Variants in SHISA6 observed in about 807,000 individuals in gnomAD.
SHISA6 encodes the protein shisa family member 6.
A neutral mutation model predicts 47.9 loss-of-function variants in SHISA6; 22 were observed. The observed-to-expected ratio is 0.46, with a 90% confidence interval of 0.33 to 0.66. The LOEUF is 0.66. Among genes scored for constraint, SHISA6 ranks in the 30% least tolerant of loss-of-function variants. SHISA6 has a pLI of 0.02. For synonymous variants in SHISA6, 388 were observed against 337.8 expected, an observed-to-expected ratio of 1.15 and a Z score of -1.63; for missense variants, 680 against 764.6, an observed-to-expected ratio of 0.89 and a Z score of 1.30.
intron 1 of SHISA6, among the ~76,000 whole-genome samples, chr17:11,252,746 A>G (rs1457107677): frequency 6.6e-6 from 1 of 152,180 alleles, no homozygotes; most frequent in African/African-American, 2.4e-5. Flanking sequence ...ACTGAAGGTG[A>G]GACTCCTCTT....
chr17:11,346,008 C>T (rs556769132), intron 2 of SHISA6, among the ~76,000 whole-genome samples: 28 of 152,176 alleles, frequency 1.8e-4, no homozygotes, highest in African/African-American at 5.8e-4. Flanking sequence ...AAGTTGTGAG[C>T]GAACATAGTT....
chr17:11,349,066 G>A (rs1317064105), intron 2 of SHISA6, among the ~76,000 whole-genome samples: 1 of 152,154 alleles, frequency 6.6e-6, no homozygotes, highest in African/African-American at 2.4e-5. Context: ...GTTGTGTTTG[G>A]TCTGGGATCC....
At chr17:11,477,501 G>A (rs1463410725) in intron 3 of SHISA6, among the ~76,000 whole-genome samples, 3 of 151,694 alleles carry the variant, frequency 2.0e-5, no homozygotes, top group Non-Finnish European at 4.4e-5. Context: ...CATGTGCCAT[G>A]CTGCTGTGCT....
chr17:11,432,810 C>T (rs769669149), intron 3 of SHISA6, among the ~76,000 whole-genome samples: 2 of 151,678 alleles, frequency 1.3e-5, no homozygotes, highest in Non-Finnish European at 2.9e-5. Flanking sequence ...AAAAAACCCA[C>T]GTATTGTATG....
At chr17:11,338,707 C>T (rs1911412361) in intron 2 of SHISA6, among the ~76,000 whole-genome samples, 1 of 152,112 alleles carries the variant, frequency 6.6e-6, no homozygotes, top group Admixed American at 6.5e-5. Flanking sequence ...TGAGCCACTA[C>T]ACCCGGCCAC....
intron 3 of SHISA6, among the ~76,000 whole-genome samples, chr17:11,550,477 T>C (rs1490435140): frequency 2.0e-5 from 3 of 152,134 alleles, no homozygotes; most frequent in African/African-American, 4.8e-5. Flanking sequence ...AGAGTGGAGC[T>C]AAAAGAAATC....
At chr17:11,535,519 G>T (rs1231425575) in intron 3 of SHISA6, among the ~76,000 whole-genome samples, 1 of 152,186 alleles carries the variant, frequency 6.6e-6, no homozygotes, top group Non-Finnish European at 1.5e-5. Flanking sequence ...TTTAGGGTGA[G>T]TGTAAGAACA....
intron 2 of SHISA6, among the ~76,000 whole-genome samples, chr17:11,266,211 A>T (rs1352022531): frequency 6.6e-6 from 1 of 152,226 alleles, no homozygotes; most frequent in Non-Finnish European, 1.5e-5. Context: ...CAAATCAACA[A>T]ACCATCAATT....
chr17:11,461,551 C>G (rs754320723), intron 3 of SHISA6, among the ~76,000 whole-genome samples: 2 of 151,994 alleles, frequency 1.3e-5, no homozygotes, highest in African/African-American at 2.4e-5. Flanking sequence ...TGGGGAAGCA[C>G]CAGGATAGGA....
intron 3 of SHISA6, among the ~76,000 whole-genome samples, chr17:11,513,808 C>T (rs1356190860): frequency 2.0e-5 from 3 of 152,090 alleles, no homozygotes; most frequent in Non-Finnish European, 4.4e-5. Context: ...GCTAACTCAC[C>T]GTGAACAAAC....
intron 2 of SHISA6, among the ~76,000 whole-genome samples, chr17:11,287,269 C>CAAGG (rs776278296): frequency 1.4e-5 from 2 of 138,488 alleles, no homozygotes; most frequent in East Asian, 2.1e-4. Context: ...AGGAAGGAAG[C>CAAGG]AAGGAAGGAA....
chr17:11,439,152 A>G lies in SHISA6; in HGVS notation c.895+59643A>G, dbSNP rs116363480. Reference sequence around the variant, plus strand: ...GCCTGAGGGACATCAATTTCCAAGCATTTTCAGTTTTTTACACCCAAGAAA... The same window carrying G: ...GCCTGAGGGACATCAATTTCCAAGCGTTTTCAGTTTTTTACACCCAAGAAA... On this transcript the variant is annotated intron_variant, in intron 3 of 5. Coordinates refer to ENST00000441885, the MANE Select transcript of SHISA6 (RefSeq NM_207386.4). Among the ~76,000 whole-genome samples the G allele has an allele frequency of 4.5e-3, 685 of 152,248 alleles. 7 individuals are homozygous for G. Among genetic ancestry groups the G allele is most frequent in the African/African-American group, 0.016 (645 of 41,548 alleles).
chr17:11,246,980 C>T (rs1005698466), intron 1 of SHISA6, among the ~76,000 whole-genome samples: 4 of 152,162 alleles, frequency 2.6e-5, no homozygotes, highest in African/African-American at 9.7e-5. Flanking sequence ...GCCTTCACAC[C>T]CATCCCTTTC....
chr17:11,367,795 T>C (rs963359600), intron 2 of SHISA6, among the ~76,000 whole-genome samples: 3 of 152,258 alleles, frequency 2.0e-5, no homozygotes, highest in Admixed American at 2.0e-4. Flanking sequence ...AGGCTCAGGG[T>C]ATAACAGTCT....
chr17:11,425,001 C>T (rs1475827484), intron 3 of SHISA6, among the ~76,000 whole-genome samples: 3 of 101,808 alleles, frequency 2.9e-5, no homozygotes, highest in South Asian at 3.7e-4. Flanking sequence ...AGTGATACTC[C>T]GTCTCAAAAA....
At chr17:11,498,724 G>A (rs1241151916) in intron 3 of SHISA6, among the ~76,000 whole-genome samples, 1 of 152,176 alleles carries the variant, frequency 6.6e-6, no homozygotes, top group East Asian at 1.9e-4. Context: ...GGAGGAGAAG[G>A]GAAGGGCTTG....
At chr17:11,244,808 C>T (rs189205610) in intron 1 of SHISA6, among the ~76,000 whole-genome samples, 22 of 152,210 alleles carry the variant, frequency 1.4e-4, no homozygotes, top group Non-Finnish European at 2.4e-4. Context: ...AAAGACAAAC[C>T]GGTTTCAGTG....
At chr17:11,557,270 G>A in intron 5 of SHISA6, among the ~76,000 whole-genome samples, 1 of 152,226 alleles carries the variant, frequency 6.6e-6, no homozygotes, top group Middle Eastern at 3.2e-3. Context: ...TCATCAGGAA[G>A]CTTCAAGAGC....
rs1226874101 is a variant in SHISA6, at chr17:11,417,098, A to G, written c.895+37589A>G. Among the ~76,000 whole-genome samples the G allele has an allele frequency of 3.9e-5, 6 of 152,312 alleles. No individual in the cohort carries two copies. The East Asian group carries it at 7.7e-4, about 20-fold the overall frequency. ...GACTGGCAAGCTGACAACAACAACA[A>G]CAACAATTATATTACTTCCATGAGA... On this transcript the variant is annotated intron_variant, in intron 3 of 5. Transcript: ENST00000441885.
Sources: gnomAD v4.1 joint callset for allele counts (sites outside exome capture counted in the v4.1 genomes callset) on GRCh38, gnomAD v4.1.1 for gene constraint, MANE v1.5 for transcripts, NCBI Gene and HGNC (gene_info 2026-07-23, HGNC 2026-07-21) for gene names.